The following CCDC171 variants were observed in gnomAD, a reference collection of about 807,000 sequenced individuals.
CCDC171 encodes coiled-coil domain-containing protein 171.
In CCDC171, 177 loss-of-function variants were observed where a neutral mutation model predicts 168.2. That is an observed-to-expected ratio of 1.05 (90% CI 0.93 to 1.19). CCDC171 has a LOEUF of 1.19. Ranked by LOEUF, CCDC171 falls within the 50% of genes most tolerant of loss-of-function variation. The pLI is 0.00. For synonymous variants in CCDC171, 687 were observed against 540.8 expected, an observed-to-expected ratio of 1.27 and a Z score of -3.75; for missense variants, 1,991 against 1,539.0, an observed-to-expected ratio of 1.29 and a Z score of -4.91.
At chr9:15,834,663 G>C (rs1024970292) in intron 21 of CCDC171, among the ~76,000 whole-genome samples, 7 of 152,160 alleles carry the variant, frequency 4.6e-5, no homozygotes, top group African/African-American at 1.7e-4. Flanking sequence ...GTATAAAGTA[G>C]TATTAACCTT....
At chr9:15,693,852 C>G (rs2051009644) in intron 10 of CCDC171, among the ~76,000 whole-genome samples, 1 of 152,054 alleles carries the variant, frequency 6.6e-6, no homozygotes, top group Non-Finnish European at 1.5e-5. Context: ...AACTACTGCC[C>G]TTTATCTCAC....
intron 1 of CCDC171, among the ~76,000 whole-genome samples, chr9:15,554,251 A>C (rs574650369): frequency 6.6e-6 from 1 of 152,284 alleles, no homozygotes; most frequent in South Asian, 2.1e-4. Flanking sequence ...CGATCTCCTG[A>C]CATCGTGATC....
intron 21 of CCDC171, among the ~76,000 whole-genome samples, chr9:15,803,507 A>G (rs1449794036): frequency 2.6e-5 from 4 of 152,220 alleles, no homozygotes; most frequent in Middle Eastern, 3.4e-3. Context: ...AGCACCATTT[A>G]TTAAATAGGG....
rs370298709 is a variant in CCDC171, at chr9:16,049,022, CA to C, written n.89+6138del. ...AAAAGATCAAAATCCCTAAAAATTA[CA>C]ATCCCTAAAGTCTAAAATCCTTAAC... On this transcript the variant is annotated intron_variant and non_coding_transcript_variant, in intron 1 of 1. Transcript: ENST00000478913. 4.8e-4 allele frequency among the ~76,000 whole-genome samples: 73 copies of C among 150,738 alleles called. No homozygotes were observed. In the East Asian group the frequency reaches 0.013, roughly 27 times the overall value.
chr9:15,695,163 A>G lies in CCDC171; in HGVS notation c.1216-72A>G, dbSNP rs536934184. 2.7e-5 allele frequency: 24 copies of G among 901,460 alleles called. No individual in the cohort carries two copies. In the East Asian group the frequency reaches 2.7e-4, roughly 10 times the overall value. 55.8% of individuals were successfully genotyped at this position (901,460 alleles called of 1,614,324 possible). A position where few individuals can be genotyped will look rare whatever the true frequency, so the allele number is the denominator to read the frequency against. On this transcript the variant is annotated intron_variant, in intron 10 of 25. Coordinates refer to ENST00000380701, the MANE Select transcript of CCDC171 (RefSeq NM_173550.4). ...ATTATCTTGTTTATACTTGTGTTATATATGTTCACACTAAAAATATGCAGC... is the reference window on the plus strand; with the variant it reads ...ATTATCTTGTTTATACTTGTGTTATGTATGTTCACACTAAAAATATGCAGC...
At chr9:15,937,066 T>C (rs1281129924) in intron 25 of CCDC171, among the ~76,000 whole-genome samples, 1 of 152,056 alleles carries the variant, frequency 6.6e-6, no homozygotes, top group Non-Finnish European at 1.5e-5. Context: ...TTGAATAGTA[T>C]TTTTAAAGAG....
chr9:15,694,564 T>A (rs1466264763), intron 10 of CCDC171, among the ~76,000 whole-genome samples: 1 of 152,198 alleles, frequency 6.6e-6, no homozygotes, highest in Admixed American at 6.5e-5. Context: ...ACTACTGAAA[T>A]CCACCCAGTT....
At chr9:15,876,486 C>G (rs753192363) in intron 24 of CCDC171, among the ~76,000 whole-genome samples, 2 of 152,094 alleles carry the variant, frequency 1.3e-5, no homozygotes, top group African/African-American at 2.4e-5. Context: ...ACGGGTAACT[C>G]CTCAGATCAA....
At chr9:15,761,876 A>G (rs2056464009) in intron 18 of CCDC171, among the ~76,000 whole-genome samples, 2 of 123,424 alleles carry the variant, frequency 1.6e-5, no homozygotes, top group African/African-American at 4.9e-5. Flanking sequence ...AAGCATGTAG[A>G]AAAGTCAAAA....
intron 23 of CCDC171, among the ~76,000 whole-genome samples, chr9:15,868,408 A>T (rs1448300018): frequency 6.6e-6 from 1 of 151,844 alleles, no homozygotes; most frequent in East Asian, 1.9e-4. Flanking sequence ...CCATTATGAC[A>T]TTGTGATCAT....
intron 25 of CCDC171, among the ~76,000 whole-genome samples, chr9:15,943,442 T>C (rs996662088): frequency 2.0e-5 from 3 of 152,032 alleles, no homozygotes; most frequent in African/African-American, 4.8e-5. Flanking sequence ...AGGTTATTGA[T>C]ATGAAATAAT....
intron 22 of CCDC171, among the ~76,000 whole-genome samples, chr9:15,848,199 T>C (rs1011326701): frequency 3.0e-4 from 45 of 152,106 alleles, no homozygotes; most frequent in African/African-American, 1.0e-3. Context: ...CACGGGCACA[T>C]GTTTTTATAA....
At chr9:15,896,370 C>T (rs1820899140) in intron 24 of CCDC171, among the ~76,000 whole-genome samples, 1 of 152,014 alleles carries the variant, frequency 6.6e-6, no homozygotes, top group African/African-American at 2.4e-5. Flanking sequence ...TATGGTTTCC[C>T]ATGAGACTCC....
At chr9:15,667,947 CATACATTTA>C (rs1403146558) in intron 9 of CCDC171, among the ~76,000 whole-genome samples, 5 of 152,120 alleles carry the variant, frequency 3.3e-5, no homozygotes, top group Admixed American at 2.6e-4. Context: ...TGCTTGAATG[CATACATTTA>C]ATACATTTGA....
At chr9:15,785,326 G>A (rs377761145) in intron 21 of CCDC171, among the ~76,000 whole-genome samples, 1 of 152,134 alleles carries the variant, frequency 6.6e-6, no homozygotes, top group East Asian at 1.9e-4. Context: ...GATTATATAC[G>A]TTGGAATGGA....
chr9:15,863,382 C>G (rs2061641949), intron 23 of CCDC171, among the ~76,000 whole-genome samples: 1 of 151,970 alleles, frequency 6.6e-6, no homozygotes, highest in African/African-American at 2.4e-5. Flanking sequence ...TGTGCCATTG[C>G]ATCAGTGTGT....
chr9:16,062,204 A>G (rs1042932795), downstream of CCDC171, among the ~76,000 whole-genome samples: 2 of 152,184 alleles, frequency 1.3e-5, no homozygotes, highest in African/African-American at 4.8e-5. Flanking sequence ...CAAACAAACA[A>G]GAAAGGGGAG....
chr9:16,016,090 C>G (rs376338301), intron 3 of CCDC171, among the ~76,000 whole-genome samples: 1 of 152,154 alleles, frequency 6.6e-6, no homozygotes, highest in Admixed American at 6.5e-5. Context: ...ATGTACACAT[C>G]TGTGTCCCTG....
At chr9:15,694,698 C>T (rs927871009) in intron 10 of CCDC171, among the ~76,000 whole-genome samples, 7 of 152,206 alleles carry the variant, frequency 4.6e-5, no homozygotes, top group Non-Finnish European at 7.3e-5. Context: ...TGCAGTTTTA[C>T]TAAAGTCTGG....
Sources: allele counts gnomAD v4.1 joint callset (sites outside exome capture counted in the v4.1 genomes callset), GRCh38; gene constraint gnomAD v4.1.1; transcripts MANE v1.5; gene names NCBI Gene and HGNC (gene_info 2026-07-23, HGNC 2026-07-21).